TGIF2: variants seen among roughly 807,000 people sequenced by gnomAD.
The protein encoded by TGIF2 is TGFB induced factor homeobox 2.
A neutral mutation model predicts 15.1 loss-of-function variants in TGIF2; 5 were observed. That is an observed-to-expected ratio of 0.33 (90% CI 0.17 to 0.70). The LOEUF is 0.70. Among genes scored for constraint, TGIF2 ranks in the 30% least tolerant of loss-of-function variants. The pLI, the probability that TGIF2 is intolerant of heterozygous loss-of-function variation, is 0.67. For missense variants in TGIF2, 264 were observed against 302.5 expected (o/e 0.87, Z 0.94); for synonymous variants, 131 against 128.9 (o/e 1.02, Z -0.11).
rs904290794 is a variant in TGIF2, at chr20:36,573,711, C to T, written c.-69C>T. 2.6e-4 allele frequency: 40 copies of T among 152,074 alleles called. No individual in the cohort carries two copies. The highest frequency in any genetic ancestry group is 6.8e-3 in the Middle Eastern group (2 of 292). 9.4% of individuals were successfully genotyped at this position (152,074 alleles called of 1,614,324 possible). A position where few individuals can be genotyped will look rare whatever the true frequency, so the allele number is the denominator to read the frequency against. ...CCCGCCGGGACGCCCCGCGCCGAGC[C>T]GGAGGCCGCGTGGACCCGAAAGCCG... On this transcript the variant is annotated 5_prime_UTR_variant, in exon 1 of 3. Transcript: ENST00000373872.
rs6028230 is a variant in TGIF2 at position 36,583,410 on chromosome 20, A to G, written c.192+4444A>G. ...GAGTTCAAGGCTACAGTGAGCTATGATCATGCCACTGCCCTCCAGCCTAGG... is the reference window on the plus strand; with the variant it reads ...GAGTTCAAGGCTACAGTGAGCTATGGTCATGCCACTGCCCTCCAGCCTAGG... On this transcript the variant is annotated intron_variant, in intron 2 of 2. Transcript: ENST00000373872. Among the ~76,000 whole-genome samples the G allele has an allele frequency of 6.4e-3, 963 of 150,852 alleles. 12 individuals are homozygous for G. Among genetic ancestry groups the G allele is most frequent in the African/African-American group, 0.022 (903 of 40,988 alleles).
intron 2 of TGIF2, among the ~76,000 whole-genome samples, chr20:36,582,007 G>A (rs950414997): frequency 6.6e-6 from 1 of 152,060 alleles, no homozygotes; most frequent in African/African-American, 2.4e-5. Flanking sequence ...AGGCCGATGC[G>A]GGCGGATCAC....
chr20:36,591,172 A>G lies in TGIF2; in HGVS notation c.455A>G (p.Glu152Gly). The change falls in exon 3 of 3, where the codon GAG (glutamate) becomes GGG (glycine). Residue 152 changes from glutamate to glycine, a missense_variant. Physicochemically the swap from Glu to Gly is moderately conservative, Grantham distance 98. Transcript: ENST00000373872. The surrounding 1 kb of genome is among the most constrained non-coding windows in gnomAD (Gnocchi z 5.3). ...PAAPFPRGEL[E>G]SPKPLVTPGS... ...GCCCCTTTCCCACGTGGGGAGCTGGAGTCTCCCAAGCCCCTGGTGACCCCT... is the reference window on the plus strand; with the variant it reads ...GCCCCTTTCCCACGTGGGGAGCTGGGGTCTCCCAAGCCCCTGGTGACCCCT... The G allele has an allele frequency of 1.2e-6, 2 of 1,614,144 alleles. No individual in the cohort carries two copies. The highest frequency in any genetic ancestry group is 1.7e-6 in the Non-Finnish European group (2 of 1,179,982).
chr20:36,591,037 G>C lies in TGIF2; in HGVS notation c.320G>C (p.Arg107Pro). 1.2e-6 allele frequency: 2 copies of C among 1,601,178 alleles called. No homozygotes were observed. Among genetic ancestry groups the C allele is most frequent in the South Asian group, 2.2e-5 (2 of 90,390 alleles). The change falls in exon 3 of 3, where the codon CGT becomes CCT. Residue 107 changes from arginine (R) to proline (P), a missense_variant. Arg to Pro is a moderately radical substitution (Grantham distance 103, BLOSUM62 -2). Transcript: ENST00000373872. The surrounding 1 kb of genome is among the most constrained non-coding windows in gnomAD (Gnocchi z 5.3). ...AAGGCCTCAGATGTGGCCCTCCCCC[G>C]TGGCAGCAGCCCCTCAGTGCTGGCT... The part of the protein sequence containing the change: ...GGKASDVALP[R>P]GSSPSVLAVS...
In TGIF2 at chr20:36,592,814, TTTTG is replaced by T. The variant is rs544238390; in HGVS notation, c.*1399_*1402del. 1.2e-3 allele frequency: 189 copies of T among 158,054 alleles called. No individual in the cohort carries two copies. Among genetic ancestry groups the T allele is most frequent in the Middle Eastern group, 6.3e-3 (2 of 316 alleles). 9.8% of individuals were successfully genotyped at this position (158,054 alleles called of 1,614,324 possible). Reference sequence around the variant, plus strand: ...TTCTTTTGCTGTTTTGTTTTTTGTTTTTTGTTTGTTTGTTTGTTTTTTTGAGACA... The same window carrying T: ...TTCTTTTGCTGTTTTGTTTTTTGTTTTTTGTTTGTTTGTTTTTTTGAGACA... On this transcript the variant is annotated 3_prime_UTR_variant, in exon 3 of 3. Coordinates refer to ENST00000373872, the MANE Select transcript of TGIF2 (RefSeq NM_021809.7).
In TGIF2 at chr20:36,578,927, G is replaced by C; in HGVS notation, c.153G>C (p.Lys51Asn). 6.2e-7 allele frequency: 1 copy of C among 1,614,178 alleles called. No individual in the cohort carries two copies. Among genetic ancestry groups the C allele is most frequent in the Non-Finnish European group, 8.5e-7 (1 of 1,180,032 alleles). Reference protein sequence around the residue: ...RYNAYPSEQEKLSLSGQTNLS... With the variant: ...RYNAYPSEQENLSLSGQTNLS... ...ACGCCTACCCCTCAGAGCAGGAGAAGCTGAGCCTTTCTGGACAGACCAACC... is the reference window on the plus strand; with the variant it reads ...ACGCCTACCCCTCAGAGCAGGAGAACCTGAGCCTTTCTGGACAGACCAACC... The change falls in exon 2 of 3, where the codon AAG (lysine) becomes AAC (asparagine). Residue 51 changes from lysine to asparagine, a missense_variant. Coordinates refer to ENST00000373872, the MANE Select transcript of TGIF2 (RefSeq NM_021809.7).
At chr20:36,584,455 C>G (rs987072181) in intron 2 of TGIF2, among the ~76,000 whole-genome samples, 26 of 152,118 alleles carry the variant, frequency 1.7e-4, no homozygotes, top group African/African-American at 6.3e-4. Flanking sequence ...GAAGGGTCAA[C>G]AGGCAGGACC....
intron 2 of TGIF2, among the ~76,000 whole-genome samples, chr20:36,587,119 T>C (rs1320949513): frequency 6.6e-6 from 1 of 152,172 alleles, no homozygotes; most frequent in Non-Finnish European, 1.5e-5. Flanking sequence ...TTTCCTGACT[T>C]AGGCACAGGC....
rs1045400311 is a variant in TGIF2 at position 36,590,910 on chromosome 20, A to G, written c.193A>G (p.Ile65Val). Residue 65 changes from isoleucine to valine, a missense_variant and splice_region_variant, in exon 3 of 3, where the codon ATA becomes GTA. Coordinates refer to ENST00000373872, the MANE Select transcript of TGIF2 (RefSeq NM_021809.7). ...SGQTNLSVLQ[I>V]CNWFINARRR... ...GATCGGTCTTGTATATTCATTCCAG[A>G]TATGTAACTGGTTCATCAATGCCCG... 6.6e-7 allele frequency: 1 copy of G among 1,514,838 alleles called. No individual in the cohort carries two copies. The highest frequency in any genetic ancestry group is 8.9e-7 in the Non-Finnish European group (1 of 1,129,910). The allele number at this position is 1,514,838 out of a possible 1,614,324, so 93.8% of individuals were successfully genotyped here. A position where few individuals can be genotyped will look rare whatever the true frequency, so the allele number is the denominator to read the frequency against.
chr20:36,589,850 A>G (rs1461556500), intron 2 of TGIF2, among the ~76,000 whole-genome samples: 1 of 151,352 alleles, frequency 6.6e-6, no homozygotes, highest in Non-Finnish European at 1.5e-5. Context: ...CACCATACCC[A>G]GCTAATTTTT....
chr20:36,580,877 C>A (rs986241002), intron 2 of TGIF2, among the ~76,000 whole-genome samples: 5 of 148,046 alleles, frequency 3.4e-5, no homozygotes, highest in Non-Finnish European at 4.4e-5. Flanking sequence ...GTAATCCCAG[C>A]ACTTTGGGAG....
Position 36,592,165 on chromosome 20 carries a change from AG to A in TGIF2, c.*737del, listed in dbSNP as rs200293257. 1 of 149,100 alleles carries A rather than the reference AG, an allele frequency of 6.7e-6. No individual in the cohort carries two copies. The highest frequency in any genetic ancestry group is 2.5e-5 in the African/African-American group (1 of 39,760). 9.2% of individuals were successfully genotyped at this position (149,100 alleles called of 1,614,324 possible). On this transcript the variant is annotated 3_prime_UTR_variant, in exon 3 of 3. Coordinates refer to ENST00000373872, the MANE Select transcript of TGIF2 (RefSeq NM_021809.7). ...TGGTTTGGTTTACCAAAAAAAAGGC[AG>A]GGAAAAAAAAAAAAAACAACCGTAT...
intron 2 of TGIF2, among the ~76,000 whole-genome samples, chr20:36,579,599 C>T (rs559624758): frequency 6.6e-6 from 1 of 152,286 alleles, no homozygotes; most frequent in South Asian, 2.1e-4. Context: ...CCAGCCCCAA[C>T]GCAGTATTGG....
intron 2 of TGIF2, among the ~76,000 whole-genome samples, chr20:36,588,615 A>G (rs1359160456): frequency 1.3e-5 from 2 of 152,088 alleles, no homozygotes; most frequent in African/African-American, 2.4e-5. Context: ...ATGTGTGTGC[A>G]TTGGAGCACC....
intron 1 of TGIF2, among the ~76,000 whole-genome samples, 174 bp downstream of exon 1, chr20:36,573,919 G>T (rs1167541082): frequency 1.3e-5 from 2 of 151,712 alleles, no homozygotes; most frequent in Non-Finnish European, 2.9e-5. Context: ...GTGTTTGTGA[G>T]TCCCGACGGC....
In TGIF2 at chr20:36,591,272, C is replaced by T; in HGVS notation, c.555C>T (p.Pro185=). ...GTGGACTCTTCAACACGCCACCACC[C>T]ACACCCCCAGAGCAGGACAAAGAGG... ...PTGGLFNTPP[P]TPPEQDKEDF... The change falls in exon 3 of 3, where the codon CCC becomes CCT. Residue 185 remains proline (P), a synonymous_variant. Coordinates refer to ENST00000373872, the MANE Select transcript of TGIF2 (RefSeq NM_021809.7). This position sits in a 1 kb window ranked among gnomAD's most constrained non-coding sequence, Gnocchi z 5.3. 3 of 1,614,220 alleles carry T rather than the reference C, an allele frequency of 1.9e-6. No homozygotes were observed. Among genetic ancestry groups the T allele is most frequent in the Non-Finnish European group, 2.5e-6 (3 of 1,180,042 alleles).
chr20:36,583,632 C>T (rs1237185474), intron 2 of TGIF2, among the ~76,000 whole-genome samples: 2 of 151,158 alleles, frequency 1.3e-5, no homozygotes, highest in Non-Finnish European at 2.9e-5. Flanking sequence ...CGCAGTGGCT[C>T]ATGCCTATAA....
chr20:36,573,945 C>A (rs1600762951), intron 1 of TGIF2, among the ~76,000 whole-genome samples, 200 bp downstream of exon 1: 1 of 151,768 alleles, frequency 6.6e-6, no homozygotes, highest in East Asian at 2.0e-4. Flanking sequence ...GCTCCGGGGG[C>A]CGGTGGGGGA....
At chr20:36,577,018 A>AT in intron 1 of TGIF2, among the ~76,000 whole-genome samples, 1 of 149,914 alleles carries the variant, frequency 6.7e-6, no homozygotes, top group Non-Finnish European at 1.5e-5. Context: ...TTTTTTTATT[A>AT]TTTTATTTTT....
Sources: allele counts gnomAD v4.1 joint callset (sites outside exome capture counted in the v4.1 genomes callset), GRCh38; gene constraint gnomAD v4.1.1; non-coding constraint Gnocchi (gnomAD v3.1); transcripts MANE v1.5; gene names NCBI Gene and HGNC (gene_info 2026-07-23, HGNC 2026-07-21).